DHX35: variants seen among roughly 807,000 people sequenced by gnomAD.
DHX35 encodes the protein probable ATP-dependent RNA helicase DHX35.
Under a neutral mutation model 99.6 loss-of-function variants are expected in DHX35, and 84 were observed. The ratio of observed to expected loss-of-function variants is 0.84; its 90% CI spans 0.71 to 1.01. DHX35 has a LOEUF of 1.01. Among genes scored for constraint, DHX35 ranks in the 50% least tolerant of loss-of-function variants. DHX35 has a pLI of 0.00. For missense variants in DHX35, 852 were observed against 888.5 expected (o/e 0.96, Z 0.52); for synonymous variants, 331 against 316.2 (o/e 1.05, Z -0.50).
intron 7 of DHX35, among the ~76,000 whole-genome samples, chr20:38,993,238 T>C (rs2086368813): frequency 6.6e-6 from 1 of 152,256 alleles, no homozygotes; most frequent in Non-Finnish European, 1.5e-5. Context: ...TCTGTGCTGG[T>C]ATACTTTCCT....
At chr20:39,004,368 T>C (rs2086578709) in intron 11 of DHX35, among the ~76,000 whole-genome samples, 1 of 152,180 alleles carries the variant, frequency 6.6e-6, no homozygotes, top group Admixed American at 6.5e-5. Context: ...CCCGGCCTGT[T>C]GTGAAGATTC....
rs569821687 is a variant in DHX35, at chr20:38,990,451, CT to C, written c.451-999del. Among the ~76,000 whole-genome samples, 59 of 152,326 alleles carry C rather than the reference CT, an allele frequency of 3.9e-4. 2 individuals carry two copies. The East Asian group carries it at 0.011, about 28-fold the overall frequency. ...ATTAATCTGAAATAATATTAGCTGA[CT>C]TTTCTTAAACACTACTCTGTCCTAG... On this transcript the variant is annotated intron_variant, in intron 5 of 21. Transcript: ENST00000252011.
rs62202563 is a variant in DHX35 at position 38,969,253 on chromosome 20, C to T, written c.174+39C>T. ...TCATGTTCAACCTGTGGGCTTGAATCGTGTGTCTGCATTAGCTTTATGCTC... is the reference window on the plus strand; with the variant it reads ...TCATGTTCAACCTGTGGGCTTGAATTGTGTGTCTGCATTAGCTTTATGCTC... On this transcript the variant is annotated intron_variant, in intron 2 of 21. Transcript: ENST00000252011. 1.3e-3 allele frequency: 1,986 copies of T among 1,577,784 alleles called. 14 individuals carry two copies. In the African/African-American group the frequency reaches 0.022, roughly 18 times the overall value.
chr20:39,036,832 A>G (rs375984671), intron 21 of DHX35, among the ~76,000 whole-genome samples: 105 of 151,782 alleles, frequency 6.9e-4, no homozygotes, highest in African/African-American at 2.4e-3. Flanking sequence ...TCTTAACTGT[A>G]TAGTCCAAGG....
At chr20:38,981,346 A>C (rs1352460482) in intron 3 of DHX35, among the ~76,000 whole-genome samples, 1 of 152,056 alleles carries the variant, frequency 6.6e-6, no homozygotes, top group African/African-American at 2.4e-5. Context: ...ATTTTCTGTA[A>C]GGAAGAACTG....
intron 17 of DHX35, among the ~76,000 whole-genome samples, chr20:39,025,016 T>C (rs189777123): frequency 1.3e-5 from 2 of 152,328 alleles, no homozygotes; most frequent in East Asian, 1.9e-4. Flanking sequence ...TCATTTGCCC[T>C]TTAGTGTAAA....
chr20:38,984,849 C>T (rs2145861925), intron 4 of DHX35, among the ~76,000 whole-genome samples: 1 of 148,670 alleles, frequency 6.7e-6, no homozygotes, highest in South Asian at 2.1e-4. Flanking sequence ...CCTTGAATTG[C>T]TTGTTTTGCT....
At chr20:38,992,606 G>GTA (rs779644164) in intron 7 of DHX35, among the ~76,000 whole-genome samples, 181 bp downstream of exon 7, 1 of 71,494 alleles carries the variant, frequency 1.4e-5, no homozygotes, top group Admixed American at 1.5e-4. Context: ...TCTCTTTTCT[G>GTA]TGTGTGTGTG....
chr20:39,010,328 G>T lies in DHX35; in HGVS notation c.1271G>T (p.Arg424Leu), dbSNP rs143299906. 5.0e-6 allele frequency: 8 copies of T among 1,614,032 alleles called. No homozygotes were observed. The African/African-American group carries it at 8.0e-5, about 16-fold the overall frequency. The change falls in exon 13 of 22, where the codon CGT (arginine) becomes CTT (leucine). Residue 424 changes from arginine (R) to leucine (L), a missense_variant. Arg to Leu is a moderately radical substitution (Grantham distance 102, BLOSUM62 -2). Transcript: ENST00000252011. ...LPQSTVPEMQ[R>L]SNLAPVILQL... ...CAGTCTACGGTTCCTGAGATGCAGC[G>T]TAGTAATTTGGCACCTGTCATCCTG...
At chr20:39,031,798 C>G (rs2087058698) in intron 20 of DHX35, among the ~76,000 whole-genome samples, 1 of 152,166 alleles carries the variant, frequency 6.6e-6, no homozygotes, top group South Asian at 2.1e-4. Context: ...AACCTGGAAA[C>G]AAGAGTGTTC....
chr20:39,037,064 C>T (rs1268604738), intron 21 of DHX35, among the ~76,000 whole-genome samples: 4 of 152,172 alleles, frequency 2.6e-5, no homozygotes, highest in Admixed American at 2.6e-4. Context: ...GTGTGGAGGC[C>T]TGAAATGGTT....
In DHX35 at chr20:38,992,419, A is replaced by T. The variant is rs1477432297; in HGVS notation, c.576A>T (p.Leu192=). 11 of 1,613,500 alleles carry T rather than the reference A, an allele frequency of 6.8e-6. No homozygotes were observed. Among genetic ancestry groups the T allele is most frequent in the Non-Finnish European group, 8.5e-6 (10 of 1,179,510 alleles). ...TLYTDIAIGL[L]KKIQKKRGDL... ...ACACTGACATTGCCATTGGCTTGCT[A>T]AAAAAGGTATGACTTCACTGCCAGC... is the stretch of plus-strand genomic sequence containing the variant. The change falls in exon 7 of 22, where the codon CTA becomes CTT. Residue 192 remains leucine (L), a synonymous_variant. Transcript: ENST00000252011.
At chr20:39,032,952 T>A (rs2087081926) in intron 20 of DHX35, among the ~76,000 whole-genome samples, 1 of 152,206 alleles carries the variant, frequency 6.6e-6, no homozygotes, top group South Asian at 2.1e-4. Context: ...CACACTCGTG[T>A]GCAGGATAAT....
At chr20:38,972,946 TAGTTAC>T (rs1181224285) in intron 3 of DHX35, among the ~76,000 whole-genome samples, 1 of 152,216 alleles carries the variant, frequency 6.6e-6, no homozygotes, top group African/African-American at 2.4e-5. Flanking sequence ...TATCCTTAAA[TAGTTAC>T]AGTTGAAGGG....
intron 15 of DHX35, 56 bp from the exon 16 acceptor site, chr20:39,021,785 T>A: frequency 6.5e-7 from 1 of 1,540,986 alleles, no homozygotes; most frequent in Non-Finnish European, 9.0e-7. Context: ...AAAATGTCTT[T>A]CACTTCTTGT....
At position 39,022,012 on chromosome 20, in the gene DHX35, G is replaced by C; in HGVS notation, c.1593+77G>C. Reference sequence around the variant, plus strand: ...CTTTCGTTGTCAAAACTGTACTCAGGAACTGCTGAAGACAGAGCTGTACAA... The same window carrying C: ...CTTTCGTTGTCAAAACTGTACTCAGCAACTGCTGAAGACAGAGCTGTACAA... On this transcript the variant is annotated intron_variant, in intron 16 of 21. Coordinates refer to ENST00000252011, the MANE Select transcript of DHX35 (RefSeq NM_021931.4). 3 of 1,402,110 alleles carry C rather than the reference G, an allele frequency of 2.1e-6. No individual in the cohort carries two copies. The South Asian group carries it at 3.5e-5, about 16-fold the overall frequency. 86.9% of individuals were successfully genotyped at this position (1,402,110 alleles called of 1,614,324 possible).
chr20:39,008,365 G>A (rs941041881), intron 12 of DHX35, among the ~76,000 whole-genome samples: 2 of 152,168 alleles, frequency 1.3e-5, no homozygotes, highest in African/African-American at 4.8e-5. Context: ...TACTTGAGTA[G>A]GTGTTTTTAA....
At chr20:38,992,533 T>C (rs2086356228) in intron 7 of DHX35, 108 bp downstream of exon 7, 5 of 1,049,596 alleles carry the variant, frequency 4.8e-6, no homozygotes, top group Non-Finnish European at 7.4e-6. Flanking sequence ...GGAAGAAAAT[T>C]AAAATCATCC....
At chr20:39,022,077 G>A (rs2086881803) in intron 16 of DHX35, 142 bp downstream of exon 16, 1 of 710,532 alleles carries the variant, frequency 1.4e-6, no homozygotes, top group African/African-American at 1.8e-5. Context: ...TTCCGTGCTT[G>A]ATGTTGTGTC....
Sources: allele counts gnomAD v4.1 joint callset (sites outside exome capture counted in the v4.1 genomes callset), GRCh38; gene constraint gnomAD v4.1.1; transcripts MANE v1.5; gene names NCBI Gene and HGNC (gene_info 2026-07-23, HGNC 2026-07-21).